ALKBH1: variants seen among roughly 807,000 people sequenced by gnomAD.
ALKBH1 encodes alkB homolog 1, histone H2A dioxygenase, also known as nucleic acid dioxygenase ALKBH1.
In ALKBH1, 31 loss-of-function variants were observed where a neutral mutation model predicts 36.6. That is an observed-to-expected ratio of 0.85 (90% CI 0.64 to 1.14). The LOEUF is 1.14. ALKBH1 is among the 50% of genes most tolerant of loss of function. The probability of loss-of-function intolerance (pLI) is 0.00; values close to 1 mark genes in which losing one functional copy is unlikely to be tolerated. For synonymous variants in ALKBH1, 183 were observed against 186.6 expected (o/e 0.98, Z 0.16); for missense variants, 490 against 497.3 (o/e 0.99, Z 0.14).
rs1043760489 is a variant in ALKBH1 at position 77,703,145 on chromosome 14, GA to G, written c.292+1223del. On this transcript the variant is annotated intron_variant, in intron 2 of 5. Coordinates refer to ENST00000216489, the MANE Select transcript of ALKBH1 (RefSeq NM_006020.3). Reference sequence around the variant, plus strand: ...TGGGCGACAGAGTGAGACTGTCTGGGAAAAAAAAATTTTGTTTTGTAGAGAC... The same window carrying G: ...TGGGCGACAGAGTGAGACTGTCTGGGAAAAAAAATTTTGTTTTGTAGAGAC... 1.0e-3 allele frequency among the ~76,000 whole-genome samples: 156 copies of G among 151,274 alleles called. 1 individual carries two copies. Among genetic ancestry groups the G allele is most frequent in the Non-Finnish European group, 1.4e-3 (98 of 67,756 alleles).
At chr14:77,684,305 AAAAAC>A (rs1301986024) in intron 3 of ALKBH1, among the ~76,000 whole-genome samples, 2 of 152,182 alleles carry the variant, frequency 1.3e-5, no homozygotes, top group Admixed American at 1.3e-4. Flanking sequence ...GCCCAAACTA[AAAAAC>A]AAAACACAAT....
At chr14:77,702,395 T>C (rs2080364306) in intron 2 of ALKBH1, among the ~76,000 whole-genome samples, 1 of 152,032 alleles carries the variant, frequency 6.6e-6, no homozygotes, top group Admixed American at 6.6e-5. Context: ...ATGCTCTACA[T>C]TTACCCAAAC....
rs1218094763 is a variant in ALKBH1, at chr14:77,679,861, A to T, written c.546+19T>A. 8 of 1,600,714 alleles carry T rather than the reference A, an allele frequency of 5.0e-6. No homozygotes were observed. On this transcript the variant is annotated intron_variant, in intron 4 of 5. Coordinates refer to ENST00000216489, the MANE Select transcript of ALKBH1 (RefSeq NM_006020.3). ...AAGCCTATAAACAGAAAACAAAAGA[A>T]TTAAGAAAACCTGAATACCTTACTG...
intron 3 of ALKBH1, among the ~76,000 whole-genome samples, chr14:77,686,606 G>A (rs935835117): frequency 2.6e-5 from 4 of 152,098 alleles, no homozygotes; most frequent in Non-Finnish European, 4.4e-5. Flanking sequence ...TTATGTAAGC[G>A]TTGGCATTTC....
At chr14:77,674,364 C>G (rs2080193551) in intron 5 of ALKBH1, 123 bp from the exon 6 acceptor site, 1 of 1,126,518 alleles carries the variant, frequency 8.9e-7, no homozygotes, top group Admixed American at 2.9e-5. Flanking sequence ...TTATTGCTCC[C>G]AAATCCTCCT....
At chr14:77,703,104 C>T (rs1339354499) in intron 2 of ALKBH1, among the ~76,000 whole-genome samples, 1 of 151,242 alleles carries the variant, frequency 6.6e-6, no homozygotes, top group East Asian at 2.0e-4. Context: ...TGAGATTGTG[C>T]CACTGTACTC....
At chr14:77,702,780 T>C (rs1368509555) in intron 2 of ALKBH1, among the ~76,000 whole-genome samples, 1 of 151,582 alleles carries the variant, frequency 6.6e-6, no homozygotes, top group Admixed American at 6.6e-5. Flanking sequence ...CTCGGCTCAC[T>C]GCACCCCAAG....
Position 77,674,217 on chromosome 14 carries a change from G to A in ALKBH1, c.765C>T (p.Leu255=), listed in dbSNP as rs779098709. Residue 255 remains leucine (L), a synonymous_variant, in exon 6 of 6, where the codon CTC becomes CTT. Transcript: ENST00000216489. The part of the protein sequence containing the change: ...SFSFGQSAIF[L]LGGLQRDEAP... The stretch of plus-strand genomic sequence containing the variant: ...CCTCATCCCTTTGAAGACCACCCAG[G>A]AGAAAGATGGCGGACTGTCCAAAGC... 1 of 1,608,506 alleles carries A rather than the reference G, an allele frequency of 6.2e-7. No individual in the cohort carries two copies.
At chr14:77,685,777 A>T (rs985191297) in intron 3 of ALKBH1, among the ~76,000 whole-genome samples, 2 of 152,158 alleles carry the variant, frequency 1.3e-5, no homozygotes, top group Admixed American at 1.3e-4. Context: ...CGGGGGGGAA[A>T]AAAAGGCTTT....
In ALKBH1 at chr14:77,704,444, T is replaced by A. The variant is rs2080377125; in HGVS notation, c.217A>T (p.Ser73Cys). 6.2e-7 allele frequency: 1 copy of A among 1,614,160 alleles called. No homozygotes were observed. Among genetic ancestry groups the A allele is most frequent in the Non-Finnish European group, 8.5e-7 (1 of 1,179,988 alleles). ...CCTGCTCTATATGCATTCTGCTCAC[T>A]GACAGAAGACACATTTAGCTGAGAT... Reference protein sequence around the residue: ...IKSQLNVSSVSEQNAYRAGLQ... With the variant: ...IKSQLNVSSVCEQNAYRAGLQ... Residue 73 changes from serine to cysteine, a missense_variant, in exon 2 of 6, where the codon AGT becomes TGT. By Grantham distance (112) the Ser-to-Cys change is moderately radical. Coordinates refer to ENST00000216489, the MANE Select transcript of ALKBH1 (RefSeq NM_006020.3).
chr14:77,673,624 A>T lies in ALKBH1; in HGVS notation c.*188T>A, dbSNP rs2080188007. The stretch of plus-strand genomic sequence containing the variant: ...TGTAACTAGGAACAGACCATGTCAA[A>T]CACTTCTCTGAGCAAAGTGGCTGAG... On this transcript the variant is annotated 3_prime_UTR_variant, in exon 6 of 6. Coordinates refer to ENST00000216489, the MANE Select transcript of ALKBH1 (RefSeq NM_006020.3). The T allele has an allele frequency of 1.6e-6, 1 of 615,172 alleles. No homozygotes were observed. The highest frequency in any genetic ancestry group is 3.0e-5 in the Admixed American group (1 of 33,220). 38.1% of individuals were successfully genotyped at this position (615,172 alleles called of 1,614,324 possible). A position where few individuals can be genotyped will look rare whatever the true frequency, so the allele number is the denominator to read the frequency against.
chr14:77,687,655 A>G (rs2080275348), intron 3 of ALKBH1, among the ~76,000 whole-genome samples: 1 of 152,088 alleles, frequency 6.6e-6, no homozygotes, highest in Non-Finnish European at 1.5e-5. Context: ...TCCTAGACCT[A>G]TTTGACATGG....
rs370283555 is a variant in ALKBH1, at chr14:77,674,185, G to A, written c.797C>T (p.Thr266Met). 77 of 1,613,798 alleles carry A rather than the reference G, an allele frequency of 4.8e-5. No individual in the cohort carries two copies. Among genetic ancestry groups the A allele is most frequent in the African/African-American group, 2.4e-4 (18 of 74,940 alleles). The stretch of plus-strand genomic sequence containing the variant: ...GTCACCACTGTGCATAAACATGGCC[G>A]TGGGGGCCTCATCCCTTTGAAGACC... ...LGGLQRDEAP[T>M]AMFMHSGDIM... The change falls in exon 6 of 6, where the codon ACG (threonine) becomes ATG (methionine). Residue 266 changes from threonine to methionine, a missense_variant. Thr to Met is a moderately conservative substitution (Grantham distance 81). Coordinates refer to ENST00000216489, the MANE Select transcript of ALKBH1 (RefSeq NM_006020.3).
At chr14:77,701,994 T>C (rs1430736672) in intron 2 of ALKBH1, among the ~76,000 whole-genome samples, 2 of 152,130 alleles carry the variant, frequency 1.3e-5, no homozygotes, top group East Asian at 1.9e-4. Context: ...CAGAGAATCA[T>C]GGCCTTAAAA....
chr14:77,706,920 G>C (rs976081378), intron 1 of ALKBH1, among the ~76,000 whole-genome samples: 3 of 152,142 alleles, frequency 2.0e-5, no homozygotes, highest in African/African-American at 4.8e-5. Flanking sequence ...GCCTCATCTA[G>C]ACATCTGTGG....
At chr14:77,690,146 A>G (rs933999222) in intron 3 of ALKBH1, among the ~76,000 whole-genome samples, 5 of 152,202 alleles carry the variant, frequency 3.3e-5, no homozygotes, top group African/African-American at 4.8e-5. Flanking sequence ...GATCTAAGGG[A>G]AGAGCTTCCT....
Position 77,683,813 on chromosome 14 carries a change from C to T in ALKBH1, c.456-3843G>A, listed in dbSNP as rs183490457. 657 of 172,856 alleles carry T rather than the reference C, an allele frequency of 3.8e-3. 4 individuals are homozygous for T. The highest frequency in any genetic ancestry group is 6.1e-3 in the Non-Finnish European group (503 of 82,198). The allele number at this position is 172,856 out of a possible 1,614,324, so 10.7% of individuals were successfully genotyped here. ...TCTTGAACTGCTGACCTCAGGTGATCCAAACGCCTCAGCCTCCCAAAGTGC... is the reference window on the plus strand; with the variant it reads ...TCTTGAACTGCTGACCTCAGGTGATTCAAACGCCTCAGCCTCCCAAAGTGC... On this transcript the variant is annotated intron_variant, in intron 3 of 5. Coordinates refer to ENST00000216489, the MANE Select transcript of ALKBH1 (RefSeq NM_006020.3).
chr14:77,690,959 G>A (rs2080293828), intron 3 of ALKBH1, among the ~76,000 whole-genome samples: 1 of 152,070 alleles, frequency 6.6e-6, no homozygotes. Flanking sequence ...GCGCCACCAT[G>A]CCCGGCTAAT....
intron 3 of ALKBH1, among the ~76,000 whole-genome samples, chr14:77,680,641 A>G (rs2080231712): frequency 1.3e-5 from 2 of 149,828 alleles, no homozygotes; most frequent in African/African-American, 4.9e-5. Context: ...TTCTGCAATT[A>G]CATCTCATCT....
Sources: allele counts gnomAD v4.1 joint callset (sites outside exome capture counted in the v4.1 genomes callset), GRCh38; gene constraint gnomAD v4.1.1; transcripts MANE v1.5; gene names NCBI Gene and HGNC (gene_info 2026-07-23, HGNC 2026-07-21).